The following TMF1 variants were observed in gnomAD, a reference collection of about 807,000 sequenced individuals.
The protein encoded by TMF1 is TATA element modulatory factor 1.
TMF1 carries 71 observed loss-of-function variants against 126.5 expected under a neutral mutation model. The ratio of observed to expected loss-of-function variants is 0.56; its 90% CI spans 0.46 to 0.68. The LOEUF is 0.68. TMF1 is among the 30% of genes least tolerant of loss of function. The probability of loss-of-function intolerance (pLI) is 0.00; values close to 1 mark genes in which losing one functional copy is unlikely to be tolerated. For missense variants in TMF1, 1,259 were observed against 1,253.2 expected (o/e 1.00, Z -0.07); for synonymous variants, 461 against 430.5 (o/e 1.07, Z -0.88).
Position 69,039,650 on chromosome 3 carries a change from G to A in TMF1, c.1728C>T (p.Ile576=), listed in dbSNP as rs1201229322. 8 of 1,613,198 alleles carry A rather than the reference G, an allele frequency of 5.0e-6. No homozygotes were observed. Among genetic ancestry groups the A allele is most frequent in the Middle Eastern group, 1.6e-4 (1 of 6,078 alleles). The change falls in exon 6 of 17, where the codon ATC becomes ATT. Residue 576 remains isoleucine, a synonymous_variant. Transcript: ENST00000398559. ...SKQQLHNSNI[I]KKLRAKDKEN... Reference sequence around the variant, plus strand: ...CCTTGTCTTTAGCTCTTAATTTCTTGATGATGTTAGAATTGTGCAGCTGCT... The same window carrying A: ...CCTTGTCTTTAGCTCTTAATTTCTTAATGATGTTAGAATTGTGCAGCTGCT...
chr3:69,041,727 A>G (rs2091866088), intron 5 of TMF1, among the ~76,000 whole-genome samples: 1 of 152,144 alleles, frequency 6.6e-6, no homozygotes, highest in African/African-American at 2.4e-5. Context: ...TATGTTTAAA[A>G]ATGCATTAAA....
chr3:69,036,350 T>C (rs1471836907), intron 8 of TMF1, among the ~76,000 whole-genome samples: 3 of 152,166 alleles, frequency 2.0e-5, no homozygotes, highest in Admixed American at 2.0e-4. Context: ...TGTAAAAAGA[T>C]ATTTTTTAAA....
chr3:69,032,073 A>G (rs1416841911), intron 10 of TMF1, among the ~76,000 whole-genome samples: 1 of 152,198 alleles, frequency 6.6e-6, no homozygotes, highest in Admixed American at 6.5e-5. Context: ...AAGTAAATGA[A>G]TCTTTTTCTA....
chr3:69,042,466 A>G, intron 5 of TMF1: 4 of 476,840 alleles, frequency 8.4e-6, no homozygotes, highest in Non-Finnish European at 4.1e-6. Flanking sequence ...AGGTATTCAG[A>G]TATTACATAA....
chr3:69,042,704 C>T (rs1177642190), intron 5 of TMF1, 103 bp downstream of exon 5: 1 of 954,280 alleles, frequency 1.0e-6, no homozygotes, highest in Non-Finnish European at 1.7e-6. Flanking sequence ...CCAAACCCTC[C>T]TTGCTTTCAG....
chr3:69,051,906 GC>G, intron 1 of TMF1, 38 bp downstream of exon 1: 1 of 1,604,044 alleles, frequency 6.2e-7, no homozygotes. Context: ...GAGAACAGCA[GC>G]CTCCGGGAGC....
At chr3:69,040,374 G>C (rs1009186782) in intron 5 of TMF1, 1 of 152,222 alleles carries the variant, frequency 6.6e-6, no homozygotes, top group African/African-American at 2.4e-5. Context: ...TGATTTCTTA[G>C]GTTTGACTAT....
chr3:69,029,747 C>A, intron 11 of TMF1, 68 bp downstream of exon 11: 1 of 1,454,824 alleles, frequency 6.9e-7, no homozygotes. Flanking sequence ...GGCCCAACAA[C>A]ATACTTTTAA....
chr3:69,033,477 A>C, intron 10 of TMF1, 71 bp downstream of exon 10: 1 of 1,473,000 alleles, frequency 6.8e-7, no homozygotes, highest in Non-Finnish European at 9.1e-7. Context: ...TTTCAATTTC[A>C]TACCATTATT....
intron 2 of TMF1, among the ~76,000 whole-genome samples, chr3:69,046,573 T>A (rs1215438104): frequency 6.6e-6 from 1 of 152,166 alleles, no homozygotes; most frequent in South Asian, 2.1e-4. Flanking sequence ...CTTCAAGACA[T>A]CCTACATCTC....
Position 69,033,674 on chromosome 3 carries a change from C to T in TMF1, c.2275G>A (p.Glu759Lys). The T allele has an allele frequency of 6.2e-7, 1 of 1,612,708 alleles. No individual in the cohort carries two copies. The highest frequency in any genetic ancestry group is 8.5e-7 in the Non-Finnish European group (1 of 1,179,618). ...GTTGATGAAACACTTTGACTCAGTT[C>T]CTGGTTTCGATTCTCTGCTTCCTGG... Reference protein sequence around the residue: ...RLQEAENRNQELSQSVSSTTR... With the variant: ...RLQEAENRNQKLSQSVSSTTR... Residue 759 changes from glutamate (E) to lysine (K), a missense_variant, in exon 10 of 17, where the codon GAA (glutamate) becomes AAA (lysine). Physicochemically the swap from Glu to Lys is moderately conservative, Grantham distance 56. Transcript: ENST00000398559.
chr3:69,031,718 G>A lies in TMF1; in HGVS notation c.2402-1711C>T, dbSNP rs141404808. Among the ~76,000 whole-genome samples the A allele has an allele frequency of 8.3e-3, 1,261 of 152,220 alleles. 8 individuals carry two copies. The highest frequency in any genetic ancestry group is 0.013 in the Non-Finnish European group (899 of 67,986). On this transcript the variant is annotated intron_variant, in intron 10 of 16. Coordinates refer to ENST00000398559, the MANE Select transcript of TMF1 (RefSeq NM_007114.3). ...CTTGTATTTTTTCTCCACCAAAGTA[G>A]AGCTAGTAATACCTCTATTTCACAT... is the stretch of plus-strand genomic sequence containing the variant.
rs373685720 is a variant in TMF1, at chr3:69,047,698, C to G, written c.1007G>C (p.Ser336Thr). 2 of 1,614,120 alleles carry G rather than the reference C, an allele frequency of 1.2e-6. No homozygotes were observed. Among genetic ancestry groups the G allele is most frequent in the Non-Finnish European group, 8.5e-7 (1 of 1,180,026 alleles). ...IDSFSVQSLD[S>T]RSVSEINSDD... ...TGAATTGATTTCACTTACACTCCGG[C>G]TATCTAATGACTGTACACTAAATGA... Residue 336 changes from serine (S) to threonine (T), a missense_variant, in exon 2 of 17, where the codon AGC becomes ACC. By Grantham distance (58) the Ser-to-Thr change is moderately conservative. Transcript: ENST00000398559.
intron 1 of TMF1, among the ~76,000 whole-genome samples, chr3:69,051,008 G>T (rs1316105324): frequency 6.6e-6 from 1 of 152,168 alleles, no homozygotes; most frequent in Admixed American, 6.5e-5. Context: ...AATAAAATGT[G>T]ATACCATCCA....
intron 8 of TMF1, among the ~76,000 whole-genome samples, chr3:69,037,598 C>T (rs926670009): frequency 2.0e-5 from 3 of 152,112 alleles, no homozygotes; most frequent in Non-Finnish European, 4.4e-5. Flanking sequence ...GCCGAGATTG[C>T]GCTATTGCAC....
In TMF1 at chr3:69,048,413, T is replaced by C. The variant is rs1374121730; in HGVS notation, c.292A>G (p.Ser98Gly). ...ACATCAGTTGGCGAGAGAAAGGCAC[T>C]GAAGAAATTTTCAGATTCATCGACC... ...TVVDESENFFSAFLSPTDVQT... is the reference protein window; with the variant it reads ...TVVDESENFFGAFLSPTDVQT... Residue 98 changes from serine to glycine, a missense_variant, in exon 2 of 17, where the codon AGT becomes GGT. Physicochemically the swap from Ser to Gly is moderately conservative, Grantham distance 56 (BLOSUM62 0). Transcript: ENST00000398559. 6 of 1,614,010 alleles carry C rather than the reference T, an allele frequency of 3.7e-6. No homozygotes were observed. The highest frequency in any genetic ancestry group is 5.1e-6 in the Non-Finnish European group (6 of 1,180,044).
Position 69,043,800 on chromosome 3 carries a change from C to T in TMF1, c.1528G>A (p.Ala510Thr). 2 of 1,612,526 alleles carry T rather than the reference C, an allele frequency of 1.2e-6. No homozygotes were observed. Among genetic ancestry groups the T allele is most frequent in the South Asian group, 2.2e-5 (2 of 90,710 alleles). Residue 510 changes from alanine (A) to threonine (T), a missense_variant, in exon 4 of 17, where the codon GCA (alanine) becomes ACA (threonine). Coordinates refer to ENST00000398559, the MANE Select transcript of TMF1 (RefSeq NM_007114.3). ...KDEFTQRIAE[A>T]EKKVQLACKE... ...CAGGCTAGTTGAACTTTCTTTTCTG[C>T]TTCTGCAATTCTTTGAGTAAACTCA...
At position 69,047,700 on chromosome 3, in the gene TMF1, A is replaced by C; in HGVS notation, c.1005T>G (p.Asp335Glu). 6.2e-7 allele frequency: 1 copy of C among 1,614,166 alleles called. No individual in the cohort carries two copies. The highest frequency in any genetic ancestry group is 8.5e-7 in the Non-Finnish European group (1 of 1,180,028). The change falls in exon 2 of 17, where the codon GAT (aspartate) becomes GAG (glutamate). Residue 335 changes from aspartate (D) to glutamate (E), a missense_variant. By Grantham distance (45) the Asp-to-Glu change is conservative (BLOSUM62 2). Transcript: ENST00000398559. ...RIDSFSVQSL[D>E]SRSVSEINSD... ...AATTGATTTCACTTACACTCCGGCT[A>C]TCTAATGACTGTACACTAAATGAGT...
At position 69,020,800 on chromosome 3, in the gene TMF1, A is replaced by G. The variant is rs950069862; in HGVS notation, c.*2377T>C. 2 of 152,196 alleles carry G rather than the reference A, an allele frequency of 1.3e-5. No homozygotes were observed. Among genetic ancestry groups the G allele is most frequent in the Non-Finnish European group, 2.9e-5 (2 of 68,010 alleles). 9.4% of individuals were successfully genotyped at this position (152,196 alleles called of 1,614,324 possible). A position where few individuals can be genotyped will look rare whatever the true frequency, so the allele number is the denominator to read the frequency against. ...ATATGGTAATATGTAACTAGAAACT[A>G]TGTAACTAGAAATTGTTAATACGGA... On this transcript the variant is annotated 3_prime_UTR_variant, in exon 17 of 17. Coordinates refer to ENST00000398559, the MANE Select transcript of TMF1 (RefSeq NM_007114.3).
Sources: gnomAD v4.1 joint callset for allele counts (sites outside exome capture counted in the v4.1 genomes callset) on GRCh38, gnomAD v4.1.1 for gene constraint, MANE v1.5 for transcripts, NCBI Gene and HGNC (gene_info 2026-07-23, HGNC 2026-07-21) for gene names.